Variants in TRPC5 observed in about 807,000 individuals in gnomAD.
TRPC5 encodes the protein short transient receptor potential channel 5.
TRPC5 carries 9 observed loss-of-function variants against 56.5 expected under a neutral mutation model. The observed-to-expected ratio is 0.16, with a 90% CI of 0.10 to 0.28. TRPC5 has a LOEUF of 0.28. Among genes scored for constraint, TRPC5 ranks in the 10% least tolerant of loss-of-function variants. The pLI, the probability that TRPC5 is intolerant of heterozygous loss-of-function variation, is 1.00. For synonymous variants in TRPC5, 282 were observed against 278.5 expected (o/e 1.01, Z -0.13); for missense variants, 469 against 748.9 (o/e 0.63, Z 4.36).
In TRPC5 at chrX:111,782,141, A is replaced by G. The variant is rs757697302; in HGVS notation, c.1897-3T>C. The G allele has an allele frequency of 1.1e-5, 13 of 1,189,812 alleles. No homozygotes were observed. In the Admixed American group the frequency reaches 2.8e-4, roughly 25 times the overall value. ...TTCCACTCGATATCAGCATGATCCT[A>G]TGAAAGATAATGAAGTTCAAGGATT... is the stretch of plus-strand genomic sequence containing the variant. On this transcript the variant is annotated splice_polypyrimidine_tract_variant and splice_region_variant and intron_variant, in intron 7 of 10. Transcript: ENST00000262839.
intron 2 of TRPC5, among the ~76,000 whole-genome samples, chrX:111,917,022 G>C (rs932204539): frequency 8.9e-6 from 1 of 112,966 alleles, no homozygotes; most frequent in Non-Finnish European, 1.9e-5. Context: ...AACCACTGAG[G>C]GTTTTAATCA....
intron 1 of TRPC5, among the ~76,000 whole-genome samples, chrX:111,979,113 A>G (rs1928009189): frequency 9.0e-6 from 1 of 111,502 alleles, no homozygotes; most frequent in Admixed American, 9.6e-5. Flanking sequence ...GAAATGTGGT[A>G]GTAGCATCAA....
In TRPC5 at chrX:111,770,413, A is replaced by G. The variant is rs1367298448; in HGVS notation, c.*5900T>C. Reference sequence around the variant, plus strand: ...AATATGACCCAAAATTTGAAAAATGATTTACCGGTAGTTCTGCTTTCATAT... The same window carrying G: ...AATATGACCCAAAATTTGAAAAATGGTTTACCGGTAGTTCTGCTTTCATAT... On this transcript the variant is annotated 3_prime_UTR_variant, in exon 11 of 11. Coordinates refer to ENST00000262839, the MANE Select transcript of TRPC5 (RefSeq NM_012471.3). Among the ~76,000 whole-genome samples the G allele has an allele frequency of 8.9e-6, 1 of 112,028 alleles. No homozygotes were observed. The highest frequency in any genetic ancestry group is 1.9e-5 in the Non-Finnish European group (1 of 53,206).
intron 2 of TRPC5, among the ~76,000 whole-genome samples, chrX:111,928,034 G>T (rs749792166): frequency 9.0e-6 from 1 of 110,570 alleles, no homozygotes; most frequent in African/African-American, 3.3e-5. Flanking sequence ...GAGAAAACAC[G>T]CCTGGGCCTG....
chrX:112,045,109 C>T (rs1169168460), intron 1 of TRPC5, among the ~76,000 whole-genome samples: 1 of 112,165 alleles, frequency 8.9e-6, no homozygotes, highest in Non-Finnish European at 1.9e-5. Flanking sequence ...GTAAATATTA[C>T]CTCACATGGC....
intron 3 of TRPC5, among the ~76,000 whole-genome samples, chrX:111,911,721 C>A (rs1859881): frequency 0.16 from 17,844 of 111,536 alleles, 1,896 homozygotes; most frequent in African/African-American, 0.38. Flanking sequence ...CTTTCATTGA[C>A]CTACAAACCT....
chrX:112,004,638 T>C lies in TRPC5; in HGVS notation c.-21-52197A>G, dbSNP rs182308334. On this transcript the variant is annotated intron_variant, in intron 1 of 10. Coordinates refer to ENST00000262839, the MANE Select transcript of TRPC5 (RefSeq NM_012471.3). ...ACACTCTGAGATGGATCCCAGCAAG[T>C]TGTATTTCAGCAAGCCCTCCAGGAA... Among the ~76,000 whole-genome samples, 4 of 111,650 alleles carry C rather than the reference T, an allele frequency of 3.6e-5. No homozygotes were observed. The Admixed American group carries it at 3.8e-4, about 11-fold the overall frequency.
rs184924024 is a variant in TRPC5 at position 112,011,425 on chromosome X, G to C, written c.-21-58984C>G. ...CATCATAATGACTGTGACTTGGAAAGAGTCATTTGCTGCCTCTTATCAGCT... is the reference window on the plus strand; with the variant it reads ...CATCATAATGACTGTGACTTGGAAACAGTCATTTGCTGCCTCTTATCAGCT... On this transcript the variant is annotated intron_variant, in intron 1 of 10. Transcript: ENST00000262839. Among the ~76,000 whole-genome samples the C allele has an allele frequency of 6.4e-3, 721 of 112,021 alleles. 3 individuals carry two copies. Among genetic ancestry groups the C allele is most frequent in the Non-Finnish European group, 0.011 (576 of 53,209 alleles).
At chrX:111,841,803 C>T (rs1047420596) in intron 6 of TRPC5, among the ~76,000 whole-genome samples, 2 of 110,388 alleles carry the variant, frequency 1.8e-5, no homozygotes, top group East Asian at 2.8e-4. Flanking sequence ...CTCCACTTCC[C>T]GGGTTCAAGT....
At chrX:111,968,719 G>A (rs1445110487) in intron 1 of TRPC5, among the ~76,000 whole-genome samples, 10 of 103,870 alleles carry the variant, frequency 9.6e-5, no homozygotes, top group South Asian at 9.3e-4. Context: ...GCAAACTATC[G>A]CAAGGACAAA....
intron 1 of TRPC5, among the ~76,000 whole-genome samples, chrX:111,954,441 G>A (rs986431476): frequency 9.8e-5 from 11 of 111,923 alleles, no homozygotes; most frequent in Non-Finnish European, 1.5e-4. Flanking sequence ...AAACATGAAA[G>A]TGTGGGGGCA....
At chrX:111,805,878 GCC>G (rs1359116911) in intron 7 of TRPC5, among the ~76,000 whole-genome samples, 1 of 110,148 alleles carries the variant, frequency 9.1e-6, no homozygotes, top group East Asian at 2.9e-4. Context: ...TTGCTGTGTT[GCC>G]CAGGCTGAAC....
At chrX:111,806,010 T>G (rs1921496889) in intron 7 of TRPC5, among the ~76,000 whole-genome samples, 1 of 101,059 alleles carries the variant, frequency 9.9e-6, no homozygotes, top group South Asian at 4.9e-4. Context: ...TTGGTAAAAT[T>G]ATATTCAAAG....
At chrX:111,828,582 G>A (rs1020660948) in intron 7 of TRPC5, among the ~76,000 whole-genome samples, 9 of 111,648 alleles carry the variant, frequency 8.1e-5, no homozygotes, top group African/African-American at 1.6e-4. Context: ...AATTCATACC[G>A]AGAGTGGGGC....
At chrX:111,823,893 A>T (rs1922106604) in intron 7 of TRPC5, among the ~76,000 whole-genome samples, 1 of 110,230 alleles carries the variant, frequency 9.1e-6, no homozygotes, top group African/African-American at 3.3e-5. Context: ...GGAAAAGAGG[A>T]AGTGAGATAT....
rs1316709387 is a variant in TRPC5 at position 111,908,899 on chromosome X, G to A, written c.900+3392C>T. Among the ~76,000 whole-genome samples, 20 of 110,873 alleles carry A rather than the reference G, an allele frequency of 1.8e-4. No individual in the cohort carries two copies. In the Admixed American group the frequency reaches 1.9e-3, roughly 11 times the overall value. On this transcript the variant is annotated intron_variant, in intron 3 of 10. Transcript: ENST00000262839. ...CATCTGTAATCCCAGTGCTTTGGGAGGCTGAGATGGGAAGATCACCTGAGG... is the reference window on the plus strand; with the variant it reads ...CATCTGTAATCCCAGTGCTTTGGGAAGCTGAGATGGGAAGATCACCTGAGG...
intron 1 of TRPC5, among the ~76,000 whole-genome samples, chrX:112,001,584 A>G (rs1928697077): frequency 9.0e-6 from 1 of 111,412 alleles, no homozygotes; most frequent in Admixed American, 9.5e-5. Flanking sequence ...ACACGGCAAA[A>G]CCTCGTCTCT....
intron 1 of TRPC5, among the ~76,000 whole-genome samples, chrX:112,015,230 A>G (rs1004508486): frequency 9.0e-6 from 1 of 110,844 alleles, no homozygotes; most frequent in East Asian, 2.8e-4. Context: ...TAGGAGAGAC[A>G]GGGGTCTTCT....
intron 2 of TRPC5, among the ~76,000 whole-genome samples, chrX:111,950,594 C>T (rs184164183): frequency 9.0e-6 from 1 of 111,519 alleles, no homozygotes; most frequent in African/African-American, 3.3e-5. Flanking sequence ...ACCAAAATCT[C>T]ACAGATCACC....
Sources: allele counts gnomAD v4.1 joint callset (sites outside exome capture counted in the v4.1 genomes callset), GRCh38; gene constraint gnomAD v4.1.1; transcripts MANE v1.5; gene names NCBI Gene and HGNC (gene_info 2026-07-23, HGNC 2026-07-21).